Variants in LRRC51 observed in about 807,000 individuals in gnomAD.
The protein encoded by LRRC51 is leucine rich repeat containing 51.
LRRC51 carries 8 observed loss-of-function variants against 17.8 expected under a neutral mutation model. That is an observed-to-expected ratio of 0.45 (90% CI 0.26 to 0.81). LRRC51 has a LOEUF of 0.81. Among genes scored for constraint, LRRC51 ranks in the 30% least tolerant of loss-of-function variants. The pLI is 0.17. For synonymous variants in LRRC51, 92 were observed against 96.0 expected, an observed-to-expected ratio of 0.96 and a Z score of 0.24; for missense variants, 233 against 239.3, an observed-to-expected ratio of 0.97 and a Z score of 0.17.
At chr11:72,087,866 TTTAAA>T (rs934518724) in intron 1 of LRRC51, among the ~76,000 whole-genome samples, 2 of 152,220 alleles carry the variant, frequency 1.3e-5, no homozygotes, top group African/African-American at 4.8e-5. Context: ...ACTAGAAAAT[TTTAAA>T]TTATATATAT....
At chr11:72,084,770 G>C (rs1465118357) in intron 1 of LRRC51, among the ~76,000 whole-genome samples, 8 of 148,734 alleles carry the variant, frequency 5.4e-5, no homozygotes, top group African/African-American at 2.0e-4. Context: ...CCAGGAGGCA[G>C]AGGTTGCAGT....
At chr11:72,094,674 G>C (rs1242660905) in intron 4 of LRRC51, 5 of 706,214 alleles carry the variant, frequency 7.1e-6, no homozygotes, top group Non-Finnish European at 1.3e-5. Context: ...TCAGTGAAGG[G>C]GCAACTAAGG....
At chr11:72,089,610 T>G (rs1413276385) in intron 3 of LRRC51, 24 of 1,182,406 alleles carry the variant, frequency 2.0e-5, no homozygotes, top group Non-Finnish European at 2.5e-5. Context: ...GGCAAAACCT[T>G]TCTCCTCTGT....
In LRRC51 at chr11:72,088,297, G is replaced by A; in HGVS notation, c.-139G>A. 1 of 698,990 alleles carries A rather than the reference G, an allele frequency of 1.4e-6. No homozygotes were observed. Among genetic ancestry groups the A allele is most frequent in the Non-Finnish European group, 2.6e-6 (1 of 383,084 alleles). The allele number at this position is 698,990 out of a possible 1,614,324, so 43.3% of individuals were successfully genotyped here. A position where few individuals can be genotyped will look rare whatever the true frequency, so the allele number is the denominator to read the frequency against. ...ACAACATTGTGTTCATCCCTGTCAG[G>A]GAGTATTTCCATTTTAACCGGAAAC... On this transcript the variant is annotated splice_region_variant and 5_prime_UTR_variant, in exon 2 of 6. Coordinates refer to ENST00000289488, the MANE Select transcript of LRRC51 (RefSeq NM_145309.6).
rs1329226034 is a variant in LRRC51, at chr11:72,096,536, C to CA, written c.*1017dup. ...TACAGGATAAGCCACTGCACCTGGC[C>CA]AGCTCTAGTCTTATTTTGCTGAAAA... On this transcript the variant is annotated 3_prime_UTR_variant, in exon 6 of 6. Transcript: ENST00000289488. 1.9e-5 allele frequency: 25 copies of CA among 1,326,096 alleles called. No individual in the cohort carries two copies. The African/African-American group carries it at 3.5e-4, about 18-fold the overall frequency. 82.1% of individuals were successfully genotyped at this position (1,326,096 alleles called of 1,614,324 possible). A position where few individuals can be genotyped will look rare whatever the true frequency, so the allele number is the denominator to read the frequency against.
In LRRC51 at chr11:72,093,668, C is replaced by T. The variant is rs145851613; in HGVS notation, c.255C>T (p.Asp85=). ...LEHPENLAWI[D]LSFNDLTSID... is the part of the protein sequence containing the mutation. The stretch of plus-strand genomic sequence containing the variant: ...ACCCAGAGAACCTGGCCTGGATCGA[C>T]CTGTCCTTTAATGACCTGACTTCCA... Residue 85 remains aspartate, a synonymous_variant, in exon 4 of 6, where the codon GAC becomes GAT. Coordinates refer to ENST00000289488, the MANE Select transcript of LRRC51 (RefSeq NM_145309.6). 2.7e-3 allele frequency: 4,366 copies of T among 1,614,200 alleles called. 12 individuals are homozygous for T. Among genetic ancestry groups the T allele is most frequent in the South Asian group, 4.0e-3 (361 of 91,080 alleles).
chr11:72,094,821 T>C lies in LRRC51; in HGVS notation c.289-127T>C, dbSNP rs1565320791. ...GTAGGTTACAGTCATACAGTATGGC[T>C]GTGGAGGGTTGGAGTGGAGGGCAGG... is the stretch of plus-strand genomic sequence containing the variant. On this transcript the variant is annotated intron_variant, in intron 4 of 5. Coordinates refer to ENST00000289488, the MANE Select transcript of LRRC51 (RefSeq NM_145309.6). 4 of 1,546,974 alleles carry C rather than the reference T, an allele frequency of 2.6e-6. No homozygotes were observed. The Middle Eastern group carries it at 5.1e-4, about 196-fold the overall frequency.
chr11:72,084,096 G>T (rs1319172557), intron 1 of LRRC51, among the ~76,000 whole-genome samples: 1 of 152,162 alleles, frequency 6.6e-6, no homozygotes, highest in Non-Finnish European at 1.5e-5. Flanking sequence ...TCCTGGGCTT[G>T]AGCCATACTC....
chr11:72,095,889 C>A lies in LRRC51; in HGVS notation c.*369C>A. The A allele has an allele frequency of 2.8e-6, 1 of 353,030 alleles. No individual in the cohort carries two copies. Among genetic ancestry groups the A allele is most frequent in the South Asian group, 2.3e-5 (1 of 43,814 alleles). 21.9% of individuals were successfully genotyped at this position (353,030 alleles called of 1,614,324 possible). On this transcript the variant is annotated 3_prime_UTR_variant, in exon 6 of 6. Transcript: ENST00000289488. ...GAGACGGTTTCACTCGTCACCCCAG[C>A]TGGAGTGCAGTGGTGCGATCTCAGC...
Position 72,095,823 on chromosome 11 carries a change from C to A in LRRC51, c.*303C>A. 2.2e-6 allele frequency: 1 copy of A among 455,630 alleles called. No individual in the cohort carries two copies. Among genetic ancestry groups the A allele is most frequent in the Non-Finnish European group, 3.8e-6 (1 of 263,294 alleles). The allele number at this position is 455,630 out of a possible 1,614,324, so 28.2% of individuals were successfully genotyped here. ...CAGTAGCTGTGATTAAAGGCGCCTG[C>A]CACCATGACTGGCTAATTTTGTTGT... On this transcript the variant is annotated 3_prime_UTR_variant, in exon 6 of 6. Transcript: ENST00000289488.
chr11:72,087,373 A>G (rs1343367108), intron 1 of LRRC51, among the ~76,000 whole-genome samples: 1 of 146,610 alleles, frequency 6.8e-6, no homozygotes, highest in East Asian at 2.0e-4. Flanking sequence ...GCAGTGGCAC[A>G]ATTATAGCTC....
intron 1 of LRRC51, chr11:72,086,204 T>C (rs1343582642): frequency 1.7e-6 from 1 of 578,216 alleles, no homozygotes; most frequent in African/African-American, 1.9e-5. Context: ...TAGAACTGAG[T>C]GTTGAAACAT....
At chr11:72,094,900 C>T in intron 4 of LRRC51, 48 bp from the exon 5 acceptor site, 1 of 1,614,152 alleles carries the variant, frequency 6.2e-7, no homozygotes, top group Non-Finnish European at 8.5e-7. Context: ...AGCAGAGATT[C>T]AGGGTCCTGT....
rs1335406938 is a variant in LRRC51 at position 72,086,344 on chromosome 11, T to C, written c.-139-1953T>C. On this transcript the variant is annotated intron_variant, in intron 1 of 5. Transcript: ENST00000289488. ...TTCTATTATTTGTATCTTGGCTTCA[T>C]TTCTTCTGGTCAGGCACAGAGCAGC... 3 of 694,612 alleles carry C rather than the reference T, an allele frequency of 4.3e-6. No homozygotes were observed. In the African/African-American group the frequency reaches 5.3e-5, roughly 12 times the overall value. The allele number at this position is 694,612 out of a possible 1,614,324, so 43.0% of individuals were successfully genotyped here.
chr11:72,094,092 C>T (rs1025930539), intron 4 of LRRC51, among the ~76,000 whole-genome samples: 13 of 152,108 alleles, frequency 8.5e-5, no homozygotes, highest in Non-Finnish European at 8.8e-5. Flanking sequence ...CAAGACCATC[C>T]TGGCCAACAT....
intron 2 of LRRC51, chr11:72,088,588 T>A (rs1944675987): frequency 1.7e-6 from 1 of 592,844 alleles, no homozygotes; most frequent in African/African-American, 1.9e-5. Flanking sequence ...CCCTCAAGGA[T>A]TTGTTAAGCA....
At chr11:72,089,439 G>C (rs1263246626) in intron 3 of LRRC51, 1 of 1,374,498 alleles carries the variant, frequency 7.3e-7, no homozygotes, top group African/African-American at 1.5e-5. Flanking sequence ...GAAACAGGGG[G>C]CTATCACAGT....
At chr11:72,092,915 T>C (rs1944945276) in intron 3 of LRRC51, among the ~76,000 whole-genome samples, 2 of 152,218 alleles carry the variant, frequency 1.3e-5, no homozygotes, top group South Asian at 2.1e-4. Context: ...TATCACACCA[T>C]GTTGCCAGCT....
At chr11:72,087,126 G>A (rs1944574931) in intron 1 of LRRC51, among the ~76,000 whole-genome samples, 1 of 152,080 alleles carries the variant, frequency 6.6e-6, no homozygotes, top group African/African-American at 2.4e-5. Context: ...CCAAAGCTCA[G>A]CTGGTACTGC....
Sources: gnomAD v4.1 joint callset for allele counts (sites outside exome capture counted in the v4.1 genomes callset) on GRCh38, gnomAD v4.1.1 for gene constraint, MANE v1.5 for transcripts, NCBI Gene and HGNC (gene_info 2026-07-23, HGNC 2026-07-21) for gene names.